LETM2: variants seen among roughly 807,000 people sequenced by gnomAD.
The protein encoded by LETM2 is LETM1 domain-containing protein LETM2, mitochondrial.
Under a neutral mutation model 59.6 loss-of-function variants are expected in LETM2, and 58 were observed. The observed-to-expected ratio is 0.97, with a 90% CI of 0.79 to 1.21. The LOEUF (loss-of-function observed/expected upper bound fraction) is 1.21, where lower values mean the gene tolerates loss of function less well. Among genes scored for constraint, LETM2 ranks in the 50% most tolerant of loss-of-function variants. The probability of loss-of-function intolerance (pLI) is 0.00; values close to 1 mark genes in which losing one functional copy is unlikely to be tolerated. For synonymous variants in LETM2, 199 were observed against 214.1 expected, an observed-to-expected ratio of 0.93 and a Z score of 0.62; for missense variants, 572 against 575.7, an observed-to-expected ratio of 0.99 and a Z score of 0.07.
At chr8:38,389,758 T>C (rs546072376) in intron 2 of LETM2, among the ~76,000 whole-genome samples, 7 of 151,794 alleles carry the variant, frequency 4.6e-5, no homozygotes, top group African/African-American at 1.4e-4. Flanking sequence ...CCCAACACTT[T>C]GGGAGGCCGA....
Position 38,392,890 on chromosome 8 carries a change from T to C in LETM2, c.396T>C (p.Tyr132=). 1 of 1,614,062 alleles carries C rather than the reference T, an allele frequency of 6.2e-7. No homozygotes were observed. Among genetic ancestry groups the C allele is most frequent in the Non-Finnish European group, 8.5e-7 (1 of 1,180,042 alleles). The change falls in exon 3 of 11, where the codon TAT becomes TAC. Residue 132 remains tyrosine (Y), a synonymous_variant. Transcript: ENST00000379957. ...AAAAAATCATGGATGAACTAAAATA[T>C]TATTACAATGGATTCTACTTACTTT... ...YRQKIMDELK[Y]YYNGFYLLWI...
Position 38,394,245 on chromosome 8 carries a change from T to A in LETM2, c.645+4T>A. 6.9e-7 allele frequency: 1 copy of A among 1,452,416 alleles called. No homozygotes were observed. The highest frequency in any genetic ancestry group is 9.1e-7 in the Non-Finnish European group (1 of 1,104,488). 90.0% of individuals were successfully genotyped at this position (1,452,416 alleles called of 1,614,324 possible). A position where few individuals can be genotyped will look rare whatever the true frequency, so the allele number is the denominator to read the frequency against. On this transcript the variant is annotated splice_donor_region_variant and intron_variant, in intron 4 of 10. Coordinates refer to ENST00000379957, the MANE Select transcript of LETM2 (RefSeq NM_001286819.2). ...TTTTGAAAGTGAATCCAAAAAGGTA[T>A]GATTTTTTAACTTTAATAAAATTTA...
chr8:38,383,929 C>T (rs577370376), upstream of LETM2, among the ~76,000 whole-genome samples: 284 of 121,092 alleles, frequency 2.3e-3, 1 homozygote, highest in Non-Finnish European at 3.8e-3. Context: ...GGCTATGTCT[C>T]AAAAAAAAAA....
chr8:38,383,478 G>C (rs975041955), upstream of LETM2: 5 of 152,218 alleles, frequency 3.3e-5, no homozygotes, highest in Non-Finnish European at 7.3e-5. Context: ...AGACGTTATA[G>C]TGCTGGATGT....
intron 4 of LETM2, among the ~76,000 whole-genome samples, chr8:38,398,150 A>G (rs1300993282): frequency 6.6e-6 from 1 of 152,068 alleles, no homozygotes; most frequent in East Asian, 1.9e-4. Flanking sequence ...TAAAAAAAAA[A>G]AAAAAGAGAC....
intron 1 of LETM2, among the ~76,000 whole-genome samples, chr8:38,387,449 A>T (rs1811863460): frequency 6.6e-6 from 1 of 152,070 alleles, no homozygotes; most frequent in African/African-American, 2.4e-5. Flanking sequence ...CCTCCACTTG[A>T]GCGATTAGTA....
intron 4 of LETM2, among the ~76,000 whole-genome samples, chr8:38,396,012 A>C (rs1457716038): frequency 1.3e-5 from 2 of 152,086 alleles, no homozygotes; most frequent in East Asian, 1.9e-4. Context: ...CAGCTTATCA[A>C]TTTTTTCTTT....
At position 38,388,011 on chromosome 8, in the gene LETM2, C is replaced by G; in HGVS notation, c.28C>G (p.Leu10Val). The change falls in exon 2 of 11, where the codon CTG becomes GTG. Residue 10 changes from leucine (L) to valine (V), a missense_variant. Transcript: ENST00000379957. Reference sequence around the variant, plus strand: ...GGCCTTCTACAGTTATAATTCAGTTCTGGCTATTGCTCGAACAAGGTAAGC... The same window carrying G: ...GGCCTTCTACAGTTATAATTCAGTTGTGGCTATTGCTCGAACAAGGTAAGC... The part of the protein sequence containing the change: MAFYSYNSV[L>V]AIARTRFPSH... 1 of 1,531,620 alleles carries G rather than the reference C, an allele frequency of 6.5e-7. No homozygotes were observed. The highest frequency in any genetic ancestry group is 2.4e-5 in the East Asian group (1 of 40,868). The allele number at this position is 1,531,620 out of a possible 1,614,324, so 94.9% of individuals were successfully genotyped here.
chr8:38,404,305 A>C, intron 7 of LETM2, 88 bp from the exon 8 acceptor site: 2 of 877,726 alleles, frequency 2.3e-6, no homozygotes, highest in Non-Finnish European at 1.9e-6. Context: ...GGCGGTGGGA[A>C]GCTGTCAGCC....
intron 4 of LETM2, among the ~76,000 whole-genome samples, chr8:38,396,444 G>A (rs1330778522): frequency 5.9e-5 from 9 of 152,260 alleles, no homozygotes; most frequent in African/African-American, 2.2e-4. Flanking sequence ...GATAACAGAC[G>A]TGAGCCACTG....
chr8:38,402,621 C>T lies in LETM2; in HGVS notation c.1081C>T (p.Gln361Ter). 6.2e-7 allele frequency: 1 copy of T among 1,614,148 alleles called. No individual in the cohort carries two copies. Among genetic ancestry groups the T allele is most frequent in the Non-Finnish European group, 8.5e-7 (1 of 1,179,994 alleles). Residue 361 changes from glutamine to a stop codon, truncating the protein, a stop_gained, in exon 7 of 11, where the codon CAA becomes TAA. Coordinates refer to ENST00000379957, the MANE Select transcript of LETM2 (RefSeq NM_001286819.2). LOFTEE classifies it high-confidence loss of function. ...GMRSLGLTEEQLRQQLTEWQD... is the reference protein window; with the variant it reads ...GMRSLGLTEE Reference sequence around the variant, plus strand: ...GAGATCACTGGGTCTCACGGAGGAACAACTGCGACAACAGCTCACGGAGGC... The same window carrying T: ...GAGATCACTGGGTCTCACGGAGGAATAACTGCGACAACAGCTCACGGAGGC...
In LETM2 at chr8:38,408,610, C is replaced by T. The variant is rs1277084509; in HGVS notation, c.*336C>T. Reference sequence around the variant, plus strand: ...GAAATTTTTTGCACAATGGAATCAGCTTGGCACCTTAGATACCTGTCTCCT... The same window carrying T: ...GAAATTTTTTGCACAATGGAATCAGTTTGGCACCTTAGATACCTGTCTCCT... On this transcript the variant is annotated 3_prime_UTR_variant, in exon 11 of 11. Transcript: ENST00000379957. 1 of 200,448 alleles carries T rather than the reference C, an allele frequency of 5.0e-6. No individual in the cohort carries two copies. The highest frequency in any genetic ancestry group is 1.0e-5 in the Non-Finnish European group (1 of 96,776). The allele number at this position is 200,448 out of a possible 1,614,324, so 12.4% of individuals were successfully genotyped here.
chr8:38,392,572 C>T lies in LETM2; in HGVS notation c.78C>T (p.Cys26=). The change falls in exon 3 of 11, where the codon TGC becomes TGT. Residue 26 remains cysteine (C), a synonymous_variant. Coordinates refer to ENST00000379957, the MANE Select transcript of LETM2 (RefSeq NM_001286819.2). ...CTAGCCATTTTGTCCATCCTACCTG[C>T]TCTTCTTATTCCCCATCATGTGCAT... The part of the protein sequence containing the change: ...RFPSHFVHPT[C]SSYSPSCAFL... 6.2e-7 allele frequency: 1 copy of T among 1,611,884 alleles called. No individual in the cohort carries two copies. Among genetic ancestry groups the T allele is most frequent in the Non-Finnish European group, 8.5e-7 (1 of 1,179,634 alleles).
At chr8:38,401,274 T>G (rs1813201669) in intron 6 of LETM2, among the ~76,000 whole-genome samples, 2 of 152,254 alleles carry the variant, frequency 1.3e-5, no homozygotes, top group South Asian at 4.1e-4. Context: ...GTAGCTGGGA[T>G]TACAGGCACA....
rs546680979 is a variant in LETM2, at chr8:38,404,506, GGTGA to G, written c.1218+3_1218+6del. The stretch of plus-strand genomic sequence containing the variant: ...CGATTGAGATACCACTCAGTGGGGA[GGTGA>G]GTACCTGGGTTAATGGGGACCCTCG... On this transcript the variant is annotated splice_donor_variant and splice_donor_region_variant and intron_variant, in intron 8 of 10. Coordinates refer to ENST00000379957, the MANE Select transcript of LETM2 (RefSeq NM_001286819.2). LOFTEE classifies it high-confidence loss of function. 153 of 1,602,724 alleles carry G rather than the reference GGTGA, an allele frequency of 9.5e-5. No homozygotes were observed. The African/African-American group carries it at 1.8e-3, about 19-fold the overall frequency.
intron 4 of LETM2, chr8:38,397,253 T>C (rs2150429130): frequency 9.5e-6 from 4 of 420,518 alleles, no homozygotes; most frequent in East Asian, 7.5e-5. Context: ...CTTGGCTCAC[T>C]GCAACCTCCG....
rs1258665185 is a variant in LETM2 at position 38,407,386 on chromosome 8, C to T, written c.1336C>T (p.Pro446Ser). 3 of 1,613,060 alleles carry T rather than the reference C, an allele frequency of 1.9e-6. No individual in the cohort carries two copies. In the African/African-American group the frequency reaches 4.0e-5, roughly 22 times the overall value. ...TKDEDFIQPP[P>S]VTSSPITPST... ...GGATGAAGACTTTATACAGCCGCCACCAGTTACATCATCACCCATAACACC... is the reference window on the plus strand; with the variant it reads ...GGATGAAGACTTTATACAGCCGCCATCAGTTACATCATCACCCATAACACC... Residue 446 changes from proline to serine, a missense_variant, in exon 10 of 11, where the codon CCA becomes TCA. Pro to Ser is a moderately conservative substitution (Grantham distance 74). Coordinates refer to ENST00000379957, the MANE Select transcript of LETM2 (RefSeq NM_001286819.2).
chr8:38,395,857 A>G (rs754662261), intron 4 of LETM2, among the ~76,000 whole-genome samples: 12 of 152,056 alleles, frequency 7.9e-5, no homozygotes, highest in Non-Finnish European at 1.3e-4. Context: ...TTTTCTGATT[A>G]TTATTCTGAG....
Position 38,392,604 on chromosome 8 carries a change from A to T in LETM2, c.110A>T (p.His37Leu). ...TATTCCCCATCATGTGCATTTCTTC[A>T]CTTGCCAGATTCCCATTTAAATAAG... ...SSYSPSCAFL[H>L]LPDSHLNKTC... Residue 37 changes from histidine (H) to leucine (L), a missense_variant, in exon 3 of 11, where the codon CAC (histidine) becomes CTC (leucine). His to Leu is a moderately conservative substitution (Grantham distance 99). Transcript: ENST00000379957. 1 of 1,613,698 alleles carries T rather than the reference A, an allele frequency of 6.2e-7. No homozygotes were observed. Among genetic ancestry groups the T allele is most frequent in the Non-Finnish European group, 8.5e-7 (1 of 1,179,952 alleles).
Sources: allele counts gnomAD v4.1 joint callset (sites outside exome capture counted in the v4.1 genomes callset), GRCh38; gene constraint gnomAD v4.1.1; transcripts MANE v1.5; gene names NCBI Gene and HGNC (gene_info 2026-07-23, HGNC 2026-07-21).